The following CDH8 variants were observed in gnomAD, a reference collection of about 807,000 sequenced individuals.
CDH8 encodes cadherin 8, also known as cadherin-8.
Under a neutral mutation model 68.1 loss-of-function variants are expected in CDH8, and 17 were observed. The ratio of observed to expected loss-of-function variants is 0.25; its 90% CI spans 0.17 to 0.37. CDH8 has a LOEUF of 0.37. Among genes scored for constraint, CDH8 ranks in the 10% least tolerant of loss-of-function variants. CDH8 has a pLI of 1.00. For synonymous variants in CDH8, 372 were observed against 365.1 expected, an observed-to-expected ratio of 1.02 and a Z score of -0.21; for missense variants, 763 against 999.3, an observed-to-expected ratio of 0.76 and a Z score of 3.19.
chr16:61,706,222 G>A (rs886582769), intron 10 of CDH8, among the ~76,000 whole-genome samples: 7 of 152,230 alleles, frequency 4.6e-5, no homozygotes, highest in African/African-American at 1.4e-4. Flanking sequence ...GATAAGGGAA[G>A]CCAATACCTG....
At chr16:61,762,422 AC>A (rs1386312599) in intron 8 of CDH8, among the ~76,000 whole-genome samples, 3 of 152,220 alleles carry the variant, frequency 2.0e-5, no homozygotes, top group Non-Finnish European at 4.4e-5. Flanking sequence ...TAAGTAAAAA[AC>A]AAAACTTCCT....
chr16:61,983,971 G>T (rs1310816430), intron 2 of CDH8, among the ~76,000 whole-genome samples: 2 of 151,584 alleles, frequency 1.3e-5, no homozygotes, highest in South Asian at 4.2e-4. Context: ...GGGCTGGAGT[G>T]CAGTGGCACC....
intron 10 of CDH8, among the ~76,000 whole-genome samples, chr16:61,670,248 C>T (rs1295485370): frequency 6.6e-6 from 1 of 152,006 alleles, no homozygotes; most frequent in African/African-American, 2.4e-5. Context: ...TGGGAAGAGG[C>T]AGCAGGAACA....
At chr16:61,916,593 A>C (rs190177743) in intron 2 of CDH8, among the ~76,000 whole-genome samples, 2 of 152,296 alleles carry the variant, frequency 1.3e-5, no homozygotes, top group Admixed American at 1.3e-4. Flanking sequence ...GGTCACTATC[A>C]AATTGTATGG....
chr16:61,737,376 G>A lies in CDH8; in HGVS notation c.1415-10161C>T, dbSNP rs184491524. The stretch of plus-strand genomic sequence containing the variant: ...TAGTCAATTGGGGAATGCAGAATAA[G>A]AGAATTTATAATTGAATAGGTAATA... On this transcript the variant is annotated intron_variant, in intron 8 of 11. Coordinates refer to ENST00000577390, the MANE Select transcript of CDH8 (RefSeq NM_001796.5). Among the ~76,000 whole-genome samples the A allele has an allele frequency of 1.5e-3, 230 of 152,218 alleles. 1 individual carries two copies. The highest frequency in any genetic ancestry group is 5.4e-3 in the African/African-American group (224 of 41,540).
intron 2 of CDH8, among the ~76,000 whole-genome samples, chr16:61,947,989 T>A (rs1007381726): frequency 6.6e-6 from 1 of 152,138 alleles, no homozygotes; most frequent in Non-Finnish European, 1.5e-5. Context: ...CTCCATTAAA[T>A]CTTCCCTGAC....
intron 4 of CDH8, among the ~76,000 whole-genome samples, chr16:61,847,870 C>T (rs185525552): frequency 6.7e-6 from 1 of 149,396 alleles, no homozygotes; most frequent in African/African-American, 2.5e-5. Context: ...TCTATATCTA[C>T]CAACTATCCT....
At chr16:61,824,872 C>T in intron 5 of CDH8, 140 bp downstream of exon 5, 1 of 689,816 alleles carries the variant, frequency 1.4e-6, no homozygotes, top group African/African-American at 1.8e-5. Context: ...AAGTTTAGTA[C>T]CAAAATCATG....
rs1960569761 is a variant in CDH8, at chr16:61,765,572, A to G, written c.1414+23774T>C. ...AGTTATAGATATACAATTGTATTCA[A>G]AAATGCTCTTAGATTAATGTAAGAG... On this transcript the variant is annotated intron_variant, in intron 8 of 11. Transcript: ENST00000577390. Among the ~76,000 whole-genome samples, 2 of 152,042 alleles carry G rather than the reference A, an allele frequency of 1.3e-5. 1 individual carries two copies. Among genetic ancestry groups the G allele is most frequent in the South Asian group, 4.1e-4 (2 of 4,834 alleles).
chr16:61,791,102 T>A (rs549104330), intron 7 of CDH8, among the ~76,000 whole-genome samples: 1 of 152,032 alleles, frequency 6.6e-6, no homozygotes, highest in African/African-American at 2.4e-5. Context: ...TATTATGAAA[T>A]GAAATAATAA....
At chr16:62,028,903 T>C (rs1401495097) in intron 1 of CDH8, among the ~76,000 whole-genome samples, 1 of 152,170 alleles carries the variant, frequency 6.6e-6, no homozygotes. Flanking sequence ...GCCAGAGACC[T>C]ACTGAGTGAC....
intron 4 of CDH8, among the ~76,000 whole-genome samples, chr16:61,852,873 C>T (rs892815614): frequency 7.4e-6 from 1 of 135,054 alleles, no homozygotes; most frequent in East Asian, 2.1e-4. Flanking sequence ...TTCCTTCCTT[C>T]CTTCCTTCCT....
At chr16:61,810,015 T>C (rs1183999759) in intron 7 of CDH8, among the ~76,000 whole-genome samples, 1 of 152,214 alleles carries the variant, frequency 6.6e-6, no homozygotes, top group African/African-American at 2.4e-5. Flanking sequence ...TAAATGCACT[T>C]TTATATCATA....
intron 2 of CDH8, among the ~76,000 whole-genome samples, chr16:61,985,918 C>CTTTTTTT (rs71134380): frequency 2.9e-4 from 26 of 91,110 alleles, no homozygotes; most frequent in South Asian, 4.3e-4. Context: ...CCTTTCTTTA[C>CTTTTTTT]TTTTTTTTTT....
chr16:61,996,459 C>A (rs945454276), intron 2 of CDH8, among the ~76,000 whole-genome samples: 10 of 152,162 alleles, frequency 6.6e-5, no homozygotes, highest in African/African-American at 2.4e-4. Flanking sequence ...ACTAACTCAT[C>A]ACATTTAAAG....
At chr16:61,956,223 A>G (rs1964987000) in intron 2 of CDH8, among the ~76,000 whole-genome samples, 1 of 152,214 alleles carries the variant, frequency 6.6e-6, no homozygotes, top group Admixed American at 6.5e-5. Context: ...TTTTAAGAAT[A>G]TCTACACGCT....
chr16:61,871,237 G>A (rs1000890291), intron 3 of CDH8, among the ~76,000 whole-genome samples: 7 of 151,656 alleles, frequency 4.6e-5, no homozygotes, highest in African/African-American at 9.7e-5. Context: ...ACTGAGTGCC[G>A]TGGTACCATA....
chr16:62,003,755 C>A lies in CDH8; in HGVS notation c.252+17397G>T, dbSNP rs1008987885. 3.9e-5 allele frequency among the ~76,000 whole-genome samples: 6 copies of A among 152,096 alleles called. No individual in the cohort carries two copies. In the East Asian group the frequency reaches 9.7e-4, roughly 24 times the overall value. ...TCAAAATAATTATGGTATTTGCATG[C>A]GACATTTTGAAATATTAGACATGTC... On this transcript the variant is annotated intron_variant, in intron 2 of 11. Transcript: ENST00000577390.
intron 2 of CDH8, among the ~76,000 whole-genome samples, chr16:61,979,900 C>T (rs1248585402): frequency 6.6e-6 from 1 of 152,148 alleles, no homozygotes; most frequent in African/African-American, 2.4e-5. Flanking sequence ...TGGAATCCAC[C>T]TTGTTGAAAC....
Sources: gnomAD v4.1 joint callset for allele counts (sites outside exome capture counted in the v4.1 genomes callset) on GRCh38, gnomAD v4.1.1 for gene constraint, MANE v1.5 for transcripts, NCBI Gene and HGNC (gene_info 2026-07-23, HGNC 2026-07-21) for gene names.